ZBTB4: variants seen among roughly 807,000 people sequenced by gnomAD.
ZBTB4 encodes the protein zinc finger and BTB domain-containing protein 4.
ZBTB4 carries 14 observed loss-of-function variants against 59.8 expected under a neutral mutation model. The observed-to-expected ratio is 0.23, with a 90% CI of 0.15 to 0.37. The LOEUF is 0.37. Ranked by LOEUF, ZBTB4 falls within the 10% of genes least tolerant of loss-of-function variation. ZBTB4 has a pLI of 1.00. For missense variants in ZBTB4, 1,198 were observed against 1,380.8 expected (o/e 0.87, Z 2.10); for synonymous variants, 587 against 575.2 (o/e 1.02, Z -0.29).
upstream of ZBTB4, among the ~76,000 whole-genome samples, chr17:7,481,106 C>A (rs1012299757): frequency 1.3e-5 from 2 of 148,836 alleles, no homozygotes; most frequent in African/African-American, 2.5e-5. Context: ...TTGCGGTGAG[C>A]CGAGATTGCA....
chr17:7,473,897 T>C (rs577737287), intron 1 of ZBTB4, among the ~76,000 whole-genome samples: 1 of 151,816 alleles, frequency 6.6e-6, no homozygotes, highest in South Asian at 2.1e-4. Context: ...GGGTAAAAGG[T>C]AGGAATGTTT....
intron 1 of ZBTB4, among the ~76,000 whole-genome samples, chr17:7,468,744 C>T (rs2070161201): frequency 1.3e-5 from 2 of 152,286 alleles, no homozygotes; most frequent in East Asian, 1.9e-4. Flanking sequence ...ATACAATTCC[C>T]ATCCCCTGAA....
chr17:7,483,312 A>T, upstream of ZBTB4: 1 of 488,176 alleles, frequency 2.0e-6, no homozygotes. Flanking sequence ...TTCACTCAGC[A>T]GCAAAGAGAA....
upstream of ZBTB4, chr17:7,483,157 A>C: frequency 1.4e-6 from 2 of 1,398,624 alleles, no homozygotes; most frequent in Non-Finnish European, 1.9e-6. Flanking sequence ...GTGGAGAGGG[A>C]CTACCTGGAA....
chr17:7,483,186 G>A (rs541946096), upstream of ZBTB4: 4 of 1,176,908 alleles, frequency 3.4e-6, no homozygotes, highest in East Asian at 5.1e-5. Context: ...GCCAGCCTGG[G>A]ACCAAGGGAT....
chr17:7,481,003 T>G (rs956669385), upstream of ZBTB4, among the ~76,000 whole-genome samples: 3 of 151,070 alleles, frequency 2.0e-5, no homozygotes, highest in African/African-American at 7.3e-5. Flanking sequence ...CTACGAAAAA[T>G]AAAAAATTAG....
intron 2 of ZBTB4, 121 bp downstream of exon 2, chr17:7,467,136 C>A: frequency 8.8e-7 from 1 of 1,136,846 alleles, no homozygotes; most frequent in Non-Finnish European, 1.1e-6. Context: ...GAGGAGGAAG[C>A]TCCACAACTC....
chr17:7,473,583 G>C (rs1486275817), intron 1 of ZBTB4, among the ~76,000 whole-genome samples: 2 of 152,108 alleles, frequency 1.3e-5, no homozygotes, highest in Non-Finnish European at 2.9e-5. Flanking sequence ...ATCTTGCTCT[G>C]TTGCCCAGGC....
Position 7,462,157 on chromosome 17 carries a change from G to C in ZBTB4, c.2825C>G (p.Ala942Gly). 1 of 1,613,880 alleles carries C rather than the reference G, an allele frequency of 6.2e-7. No homozygotes were observed. Among genetic ancestry groups the C allele is most frequent in the Non-Finnish European group, 8.5e-7 (1 of 1,179,910 alleles). Reference protein sequence around the residue: ...AAYPYNFSNLAALPVALNMVL... With the variant: ...AAYPYNFSNLGALPVALNMVL... ...CATGTTGAGAGCAACCGGGAGAGCG[G>C]CCAAGTTACTGAAGTTGTAAGGGTA... The change falls in exon 4 of 4, where the codon GCC (alanine) becomes GGC (glycine). Residue 942 changes from alanine (A) to glycine (G), a missense_variant. By Grantham distance (60) the Ala-to-Gly change is moderately conservative. Transcript: ENST00000380599. The surrounding 1 kb of genome is among the most constrained non-coding windows in gnomAD (Gnocchi z 7.5).
intron 1 of ZBTB4, among the ~76,000 whole-genome samples, chr17:7,476,390 A>C (rs975273731): frequency 6.6e-6 from 1 of 152,186 alleles, no homozygotes; most frequent in Non-Finnish European, 1.5e-5. Context: ...GCAGATACCC[A>C]TAGTCCCAGC....
chr17:7,475,717 C>G (rs765732224), intron 1 of ZBTB4, among the ~76,000 whole-genome samples: 49 of 152,152 alleles, frequency 3.2e-4, no homozygotes, highest in Non-Finnish European at 5.9e-4. Flanking sequence ...GGATTACAGG[C>G]ATGGGCCACT....
chr17:7,462,271 C>T lies in ZBTB4; in HGVS notation c.2711G>A (p.Gly904Glu), dbSNP rs2070032371. ...GSEGPVGAGE[G>E]DRMEGIGAAK... ...AGCCCCTATCCCCTCCATCCGGTCC[C>T]CCTCACCAGCCCCCACTGGCCCTTC... is the stretch of plus-strand genomic sequence containing the variant. The change falls in exon 4 of 4, where the codon GGG becomes GAG. Residue 904 changes from glycine to glutamate, a missense_variant. Physicochemically the swap from Gly to Glu is moderately conservative, Grantham distance 98 (BLOSUM62 -2). Coordinates refer to ENST00000380599, the MANE Select transcript of ZBTB4 (RefSeq NM_001128833.2). The surrounding 1 kb of genome is among the most constrained non-coding windows in gnomAD (Gnocchi z 7.5). The T allele has an allele frequency of 1.9e-6, 3 of 1,613,648 alleles. No homozygotes were observed. The African/African-American group carries it at 4.0e-5, about 22-fold the overall frequency.
At chr17:7,467,893 T>C (rs2070149208) in intron 1 of ZBTB4, among the ~76,000 whole-genome samples, 1 of 152,190 alleles carries the variant, frequency 6.6e-6, no homozygotes, top group African/African-American at 2.4e-5. Context: ...AGGCAACCAT[T>C]GAAGACCACT....
chr17:7,468,717 G>A (rs1054888296), intron 1 of ZBTB4, among the ~76,000 whole-genome samples: 1 of 152,096 alleles, frequency 6.6e-6, no homozygotes, highest in Non-Finnish European at 1.5e-5. Flanking sequence ...AGAGGTGTCC[G>A]GCATCAGGAG....
At chr17:7,480,249 G>A (rs1406411316), upstream of ZBTB4, among the ~76,000 whole-genome samples, 2 of 152,210 alleles carry the variant, frequency 1.3e-5, no homozygotes, top group East Asian at 3.8e-4. Context: ...GAACATAAAT[G>A]CAGAGGCCTT....
chr17:7,482,101 C>T, upstream of ZBTB4: 5 of 1,614,216 alleles, frequency 3.1e-6, no homozygotes, highest in Non-Finnish European at 3.4e-6. Context: ...CCACCAATGG[C>T]CTGCTGGTGG....
upstream of ZBTB4, chr17:7,482,552 G>C (rs11658286): frequency 8.7e-6 from 14 of 1,612,612 alleles, no homozygotes; most frequent in Admixed American, 5.0e-5. Flanking sequence ...TGTCTACACC[G>C]CCCTGGGCTA....
intron 1 of ZBTB4, among the ~76,000 whole-genome samples, chr17:7,473,608 G>A (rs543342541): frequency 6.6e-6 from 1 of 151,252 alleles, no homozygotes; most frequent in East Asian, 2.0e-4. Context: ...GTACAATGGT[G>A]AGATTGAGGC....
upstream of ZBTB4, among the ~76,000 whole-genome samples, chr17:7,480,821 A>G (rs2070335668): frequency 6.6e-6 from 1 of 152,014 alleles, no homozygotes; most frequent in South Asian, 2.1e-4. Flanking sequence ...GAATAAAAGA[A>G]TCAGACAAAC....
Sources: allele counts gnomAD v4.1 joint callset (sites outside exome capture counted in the v4.1 genomes callset), GRCh38; gene constraint gnomAD v4.1.1; non-coding constraint Gnocchi (gnomAD v3.1); transcripts MANE v1.5; gene names NCBI Gene and HGNC (gene_info 2026-07-23, HGNC 2026-07-21).